Variants in MGAT4C observed in about 807,000 individuals in gnomAD.
MGAT4C encodes alpha-1,3-mannosyl-glycoprotein 4-beta-N-acetylglucosaminyltransferase C.
Under a neutral mutation model 40.1 loss-of-function variants are expected in MGAT4C, and 19 were observed. That is an observed-to-expected ratio of 0.47 (90% CI 0.33 to 0.70). The LOEUF is 0.70. Ranked by LOEUF, MGAT4C falls within the 30% of genes least tolerant of loss-of-function variation. The pLI is 0.02. For synonymous variants in MGAT4C, 181 were observed against 187.1 expected, an observed-to-expected ratio of 0.97 and a Z score of 0.27; for missense variants, 491 against 563.2, an observed-to-expected ratio of 0.87 and a Z score of 1.30.
At chr12:86,332,069 AAG>A (rs1283160469) in intron 4 of MGAT4C, among the ~76,000 whole-genome samples, 6 of 152,138 alleles carry the variant, frequency 3.9e-5, no homozygotes, top group Non-Finnish European at 7.4e-5. Context: ...ATCTACTTGG[AAG>A]AGTCTTTCTT....
chr12:85,999,735 A>C (rs7300073), intron 2 of MGAT4C, among the ~76,000 whole-genome samples: 63,969 of 151,876 alleles, frequency 0.42, 14,075 homozygotes, highest in Middle Eastern at 0.48. Context: ...CACAGATGAA[A>C]CCAGAATGCA....
intron 2 of MGAT4C, among the ~76,000 whole-genome samples, chr12:86,697,077 T>A (rs1229654864): frequency 1.3e-5 from 2 of 152,170 alleles, no homozygotes; most frequent in African/African-American, 4.8e-5. Flanking sequence ...CTATATCTGA[T>A]AAGGAATATT....
chr12:86,697,569 T>C (rs950105604), intron 2 of MGAT4C, among the ~76,000 whole-genome samples: 1 of 152,098 alleles, frequency 6.6e-6, no homozygotes, highest in Non-Finnish European at 1.5e-5. Context: ...CACTCACTCT[T>C]ACCCTTTAGA....
chr12:86,812,056 G>C (rs1233633295), intron 1 of MGAT4C, among the ~76,000 whole-genome samples: 6 of 152,192 alleles, frequency 3.9e-5, no homozygotes. Flanking sequence ...TTTTATATTT[G>C]ACATAAACTA....
At chr12:86,524,964 A>G (rs575507352) in intron 2 of MGAT4C, among the ~76,000 whole-genome samples, 14 of 152,212 alleles carry the variant, frequency 9.2e-5, no homozygotes, top group African/African-American at 3.1e-4. Context: ...CAGCTTCTAC[A>G]TTGTTTTATT....
At chr12:86,342,526 C>T (rs1954926435) in intron 3 of MGAT4C, among the ~76,000 whole-genome samples, 2 of 152,172 alleles carry the variant, frequency 1.3e-5, no homozygotes, top group South Asian at 4.1e-4. Context: ...CATCAAGCTT[C>T]AGCCAATTCA....
chr12:86,257,496 G>A (rs545778975), upstream of MGAT4C, among the ~76,000 whole-genome samples: 1 of 152,206 alleles, frequency 6.6e-6, no homozygotes, highest in African/African-American at 2.4e-5. Flanking sequence ...CCTGGAGAAA[G>A]AGCAAGGAAA....
chr12:86,614,763 A>C (rs1458282010), intron 2 of MGAT4C, among the ~76,000 whole-genome samples: 2 of 152,034 alleles, frequency 1.3e-5, no homozygotes, highest in Non-Finnish European at 2.9e-5. Flanking sequence ...CCATAGGTCC[A>C]TAGGTAGATT....
rs190095559 is a variant in MGAT4C, at chr12:86,299,880, G to T, written c.-57+34185C>A. On this transcript the variant is annotated intron_variant, in intron 4 of 7. Coordinates refer to the MGAT4C transcript ENST00000548651. ...CATTTACCTAAGTAATAAGTACTGT[G>T]TCAGAAAATCAAGTGGAAGAGGAGA... 4.3e-3 allele frequency among the ~76,000 whole-genome samples: 657 copies of T among 152,208 alleles called. 4 individuals are homozygous for T. The highest frequency in any genetic ancestry group is 5.6e-3 in the Non-Finnish European group (384 of 67,996).
intron 1 of MGAT4C, among the ~76,000 whole-genome samples, chr12:86,143,605 C>T (rs1217851389): frequency 6.6e-6 from 1 of 152,082 alleles, no homozygotes; most frequent in African/African-American, 2.4e-5. Context: ...ACTTCAGGTA[C>T]TTAAGGTTCT....
At chr12:86,575,325 G>C (rs941763159) in intron 2 of MGAT4C, among the ~76,000 whole-genome samples, 1 of 151,410 alleles carries the variant, frequency 6.6e-6, no homozygotes, top group Non-Finnish European at 1.5e-5. Flanking sequence ...TTTAATTTTT[G>C]GCACCCATTA....
At chr12:86,317,390 T>C (rs959080980) in intron 4 of MGAT4C, among the ~76,000 whole-genome samples, 2 of 152,130 alleles carry the variant, frequency 1.3e-5, no homozygotes, top group African/African-American at 4.8e-5. Flanking sequence ...TATACATTTC[T>C]GGGATGTGTA....
At chr12:86,738,194 CT>C (rs1227619446) in intron 1 of MGAT4C, among the ~76,000 whole-genome samples, 1 of 151,458 alleles carries the variant, frequency 6.6e-6, no homozygotes, top group African/African-American at 2.4e-5. Flanking sequence ...CACACACCAC[CT>C]GAAGGTCTTT....
chr12:86,704,737 G>A (rs553258239), intron 2 of MGAT4C, among the ~76,000 whole-genome samples: 4 of 152,182 alleles, frequency 2.6e-5, no homozygotes, highest in Admixed American at 2.6e-4. Context: ...CTTGCCTCAA[G>A]TCACTATAGG....
intron 2 of MGAT4C, among the ~76,000 whole-genome samples, chr12:86,042,996 G>T (rs1269565401): frequency 6.6e-6 from 1 of 151,948 alleles, no homozygotes; most frequent in East Asian, 1.9e-4. Context: ...CTCTCCAGCT[G>T]CATTTAACCT....
rs139502657 is a variant in MGAT4C, at chr12:86,364,711, G to A, written c.-119-30584C>T. On this transcript the variant is annotated intron_variant, in intron 3 of 7. Coordinates refer to the MGAT4C transcript ENST00000548651. ...GAAATTTTAAAGCTGGGTGTCTGGG[G>A]GTGACATCACATGTTGGCAGGTTCT... Among the ~76,000 whole-genome samples, 55 of 151,878 alleles carry A rather than the reference G, an allele frequency of 3.6e-4. No individual in the cohort carries two copies. The East Asian group carries it at 3.7e-3, about 10-fold the overall frequency.
At chr12:86,623,616 T>A (rs1032574679) in intron 2 of MGAT4C, among the ~76,000 whole-genome samples, 2 of 152,116 alleles carry the variant, frequency 1.3e-5, no homozygotes, top group African/African-American at 2.4e-5. Context: ...AAAATATCTT[T>A]CAAAAATACA....
chr12:86,776,752 G>A (rs1179790426), intron 1 of MGAT4C, among the ~76,000 whole-genome samples: 2 of 151,890 alleles, frequency 1.3e-5, no homozygotes, highest in East Asian at 3.9e-4. Context: ...TGTATGAAAC[G>A]ATCTAGTATA....
intron 1 of MGAT4C, among the ~76,000 whole-genome samples, chr12:86,210,396 C>T (rs1289154326): frequency 6.6e-6 from 1 of 152,162 alleles, no homozygotes; most frequent in Non-Finnish European, 1.5e-5. Flanking sequence ...TATAAAAAAA[C>T]TGTGATATGA....
Sources: allele counts gnomAD v4.1 joint callset (sites outside exome capture counted in the v4.1 genomes callset), GRCh38; gene constraint gnomAD v4.1.1; transcripts MANE v1.5; gene names NCBI Gene and HGNC (gene_info 2026-07-23, HGNC 2026-07-21).